The following CFAP45 variants were observed in gnomAD, a reference collection of about 807,000 sequenced individuals.
CFAP45 encodes cilia and flagella associated protein 45.
In CFAP45, 43 loss-of-function variants were observed where a neutral mutation model predicts 75.6. That is an observed-to-expected ratio of 0.57 (90% CI 0.45 to 0.73). The LOEUF is 0.73. Among genes scored for constraint, CFAP45 ranks in the 30% least tolerant of loss-of-function variants. The pLI, the probability that CFAP45 is intolerant of heterozygous loss-of-function variation, is 0.00. For synonymous variants in CFAP45, 223 were observed against 244.6 expected (o/e 0.91, Z 0.82); for missense variants, 689 against 701.5 (o/e 0.98, Z 0.20).
intron 6 of CFAP45, 113 bp downstream of exon 6, chr1:159,886,398 A>G: frequency 1.1e-6 from 1 of 947,276 alleles, no homozygotes; most frequent in South Asian, 1.5e-5. Context: ...TTGAGATAAT[A>G]AGTAGATGAC....
At chr1:159,884,836 C>A (rs927394395) in intron 6 of CFAP45, among the ~76,000 whole-genome samples, 7 of 152,112 alleles carry the variant, frequency 4.6e-5, no homozygotes, top group African/African-American at 1.4e-4. Flanking sequence ...AGAGGGGTAC[C>A]CCACTTGATA....
At chr1:159,876,824 C>T (rs1224740235) in intron 9 of CFAP45, 75 bp from the exon 10 acceptor site, 4 of 1,391,140 alleles carry the variant, frequency 2.9e-6, no homozygotes, top group Non-Finnish European at 4.1e-6. Flanking sequence ...TAAGAAGATA[C>T]CTACTTACAG....
chr1:159,873,095 T>G lies in CFAP45; in HGVS notation c.1426A>C (p.Asn476His). 3.1e-6 allele frequency: 5 copies of G among 1,614,212 alleles called. No homozygotes were observed. The highest frequency in any genetic ancestry group is 4.2e-6 in the Non-Finnish European group (5 of 1,180,040). The change falls in exon 11 of 12, where the codon AAT (asparagine) becomes CAT (histidine). Residue 476 changes from asparagine (N) to histidine (H), a missense_variant. Asn to His is a moderately conservative substitution (Grantham distance 68). Coordinates refer to ENST00000368099, the MANE Select transcript of CFAP45 (RefSeq NM_012337.3). ...KKATGRLQHA[N>H]ELRRQVRENQ... is the part of the protein sequence containing the mutation. Reference sequence around the variant, plus strand: ...TCGCGCACCTGGCGCCGGAGCTCATTGGCATGCTGTAAGCGCCCTGTGGCC... The same window carrying G: ...TCGCGCACCTGGCGCCGGAGCTCATGGGCATGCTGTAAGCGCCCTGTGGCC...
chr1:159,873,469 A>G (rs1338993356), intron 10 of CFAP45: 1 of 415,288 alleles, frequency 2.4e-6, no homozygotes, highest in Non-Finnish European at 4.4e-6. Flanking sequence ...GAAATTCTTA[A>G]TAATTTTTGA....
rs1649412930 is a variant in CFAP45, at chr1:159,876,721, T to C, written c.1187A>G (p.Glu396Gly). ...TCTGCGCCACTCTCTGTCTGCAACCTCCTGGTTGCGCTTGGCCCGCAAGGC... is the reference window on the plus strand; with the variant it reads ...TCTGCGCCACTCTCTGTCTGCAACCCCCTGGTTGCGCTTGGCCCGCAAGGC... ...QDALRAKRNQ[E>G]VADREWRRKE... Residue 396 changes from glutamate (E) to glycine (G), a missense_variant, in exon 10 of 12, where the codon GAG becomes GGG. By Grantham distance (98) the Glu-to-Gly change is moderately conservative (BLOSUM62 -2). Coordinates refer to ENST00000368099, the MANE Select transcript of CFAP45 (RefSeq NM_012337.3). 6.2e-7 allele frequency: 1 copy of C among 1,614,154 alleles called. No individual in the cohort carries two copies. The highest frequency in any genetic ancestry group is 1.3e-5 in the African/African-American group (1 of 75,040).
At position 159,876,756 on chromosome 1, in the gene CFAP45, A is replaced by G. The variant is rs780510641; in HGVS notation, c.1159-7T>C. 25 of 1,614,080 alleles carry G rather than the reference A, an allele frequency of 1.5e-5. No homozygotes were observed. Among genetic ancestry groups the G allele is most frequent in the African/African-American group, 6.7e-5 (5 of 75,042 alleles). ...GCTTGGCCCGCAAGGCATCCTGGGA[A>G]TGTTGGCAGGGGACCAGTGAGGGCA... On this transcript the variant is annotated splice_polypyrimidine_tract_variant and splice_region_variant and intron_variant, in intron 9 of 11. Transcript: ENST00000368099.
At chr1:159,883,185 G>T (rs1239992404) in intron 7 of CFAP45, among the ~76,000 whole-genome samples, 1 of 152,142 alleles carries the variant, frequency 6.6e-6, no homozygotes, top group African/African-American at 2.4e-5. Flanking sequence ...AAGTTAAATG[G>T]CACCATGAGG....
At chr1:159,894,336 C>T (rs74124752) in intron 1 of CFAP45, among the ~76,000 whole-genome samples, 6,572 of 152,272 alleles carry the variant, frequency 0.043, 307 homozygotes, top group African/African-American at 0.12. Flanking sequence ...CCCTGAGACA[C>T]GCACAGTGTC....
chr1:159,884,983 C>A (rs114034267), intron 6 of CFAP45, among the ~76,000 whole-genome samples: 3 of 152,094 alleles, frequency 2.0e-5, no homozygotes, highest in Non-Finnish European at 2.9e-5. Context: ...CCAGGGTGTA[C>A]AAGCAATGTT....
chr1:159,897,353 G>C (rs1042818812), intron 1 of CFAP45, among the ~76,000 whole-genome samples: 2 of 152,206 alleles, frequency 1.3e-5, no homozygotes, highest in Admixed American at 1.3e-4. Context: ...GGAGGCCAAA[G>C]TGGGTGGATC....
intron 2 of CFAP45, 87 bp downstream of exon 2, chr1:159,893,093 T>C: frequency 6.8e-7 from 1 of 1,472,126 alleles, no homozygotes; most frequent in Non-Finnish European, 9.4e-7. Flanking sequence ...GAGAGCAAGG[T>C]TACTCAGCAG....
intron 10 of CFAP45, among the ~76,000 whole-genome samples, chr1:159,873,928 G>T (rs1051553154): frequency 2.9e-5 from 4 of 138,944 alleles, no homozygotes; most frequent in Non-Finnish European, 6.2e-5. Flanking sequence ...AAATGTAAAA[G>T]ATGCATAAAG....
chr1:159,887,758 T>TACCA, intron 5 of CFAP45, 83 bp downstream of exon 5: 1 of 826,200 alleles, frequency 1.2e-6, no homozygotes, highest in Non-Finnish European at 1.8e-6. Flanking sequence ...CACCAGTCCC[T>TACCA]GGCCTTGTCC....
intron 2 of CFAP45, 135 bp from the exon 3 acceptor site, chr1:159,890,757 CTTTTTTTTTTT>C: frequency 3.1e-6 from 1 of 318,480 alleles, no homozygotes; most frequent in East Asian, 7.1e-5. Context: ...CTTTTCTTTT[CTTTTTTTTTTT>C]TTTTTTTTGA....
chr1:159,897,399 C>T (rs1649977851), intron 1 of CFAP45, among the ~76,000 whole-genome samples: 1 of 152,036 alleles, frequency 6.6e-6, no homozygotes, highest in African/African-American at 2.4e-5. Context: ...GCCTGTCCAA[C>T]ATGGTGAAAC....
rs748751238 is a variant in CFAP45 at position 159,886,599 on chromosome 1, G to C, written c.679C>G (p.Arg227Gly). 2 of 1,613,914 alleles carry C rather than the reference G, an allele frequency of 1.2e-6. No individual in the cohort carries two copies. Among genetic ancestry groups the C allele is most frequent in the South Asian group, 1.1e-5 (1 of 91,076 alleles). The change falls in exon 6 of 12, where the codon CGG becomes GGG. Residue 227 changes from arginine (R) to glycine (G), a missense_variant. Transcript: ENST00000368099. ...TCCACTTCCATCATCTGATCCAACC[G>C]CTTCTCTTCTGTGTCCAGTTCTTTT... is the stretch of plus-strand genomic sequence containing the variant. Reference protein sequence around the residue: ...IQKELDTEEKRLDQMMEVERQ... With the variant: ...IQKELDTEEKGLDQMMEVERQ...
At chr1:159,877,548 T>C in intron 8 of CFAP45, 86 bp from the exon 9 acceptor site, 2 of 897,258 alleles carry the variant, frequency 2.2e-6, no homozygotes, top group Non-Finnish European at 3.8e-6. Flanking sequence ...GACTTTCCAA[T>C]ATCTCCCCTA....
chr1:159,880,826 A>T, intron 7 of CFAP45, 126 bp from the exon 8 acceptor site: 1 of 812,978 alleles, frequency 1.2e-6, no homozygotes, highest in Non-Finnish European at 1.9e-6. Context: ...AGTGTCCACA[A>T]CTATCCTTTG....
chr1:159,893,402 G>C (rs1649875059), intron 1 of CFAP45, 97 bp from the exon 2 acceptor site: 3 of 1,224,224 alleles, frequency 2.5e-6, no homozygotes, highest in Admixed American at 1.8e-5. Flanking sequence ...GGGAGTGGGT[G>C]GGCATGTGAA....
Sources: allele counts gnomAD v4.1 joint callset (sites outside exome capture counted in the v4.1 genomes callset), GRCh38; gene constraint gnomAD v4.1.1; transcripts MANE v1.5; gene names NCBI Gene and HGNC (gene_info 2026-07-23, HGNC 2026-07-21).